Variants in NEBL observed in about 807,000 individuals in gnomAD.
The protein encoded by NEBL is LIM and SH3 protein 2.
NEBL carries 122 observed loss-of-function variants against 140.2 expected under a neutral mutation model. The ratio of observed to expected loss-of-function variants is 0.87; its 90% confidence interval spans 0.75 to 1.01. NEBL has a LOEUF of 1.01. NEBL is among the 50% of genes least tolerant of loss of function. The pLI is 0.00. For synonymous variants in NEBL, 436 were observed against 398.9 expected (o/e 1.09, Z -1.11); for missense variants, 1,365 against 1,231.3 (o/e 1.11, Z -1.62).
At chr10:21,029,758 T>C in intron 2 of NEBL, 1 of 788,646 alleles carries the variant, frequency 1.3e-6, no homozygotes, top group South Asian at 1.4e-5. Context: ...TCGATATGGC[T>C]GGCGGTAGGG....
chr10:21,088,085 T>C (rs1290657359), intron 2 of NEBL, among the ~76,000 whole-genome samples: 1 of 152,216 alleles, frequency 6.6e-6, no homozygotes, highest in East Asian at 1.9e-4. Flanking sequence ...CTACCATTCA[T>C]GCTACATGTC....
In NEBL at chr10:20,980,343, C is replaced by CA. The variant is rs199964725; in HGVS notation, c.250-18565dup. 2.6e-3 allele frequency among the ~76,000 whole-genome samples: 299 copies of CA among 113,896 alleles called. 2 individuals carry two copies. The highest frequency in any genetic ancestry group is 8.8e-3 in the African/African-American group (276 of 31,270). The allele number at this position is 113,896 out of a possible 152,430, so 74.7% of individuals were successfully genotyped here. On this transcript the variant is annotated intron_variant, in intron 3 of 6. Coordinates refer to the NEBL transcript ENST00000417816. ...TTTTTTTGTTCCAGAACAAAAAGAA[C>CA]AAAAAAAAAAGTTTCTTTTTGTTCA...
chr10:20,850,776 T>C (rs1000291261), intron 10 of NEBL, among the ~76,000 whole-genome samples: 1 of 152,208 alleles, frequency 6.6e-6, no homozygotes, highest in African/African-American at 2.4e-5. Context: ...GGCTGGAATA[T>C]ATAGATATGT....
At chr10:21,260,995 A>C (rs552767878) in intron 1 of NEBL, among the ~76,000 whole-genome samples, 3 of 152,304 alleles carry the variant, frequency 2.0e-5, no homozygotes, top group Admixed American at 2.0e-4. Context: ...CATTTCAGTC[A>C]GTAAGAAGGG....
intron 3 of NEBL, among the ~76,000 whole-genome samples, chr10:21,007,111 G>GA (rs113491557): frequency 0.016 from 2,366 of 148,014 alleles, 56 homozygotes; most frequent in African/African-American, 0.052. Context: ...ATGAAATACA[G>GA]AAAAAAAAAA....
rs993291931 is a variant in NEBL, at chr10:21,193,470, G to A, written n.349-20993C>T. Among the ~76,000 whole-genome samples, 4 of 152,074 alleles carry A rather than the reference G, an allele frequency of 2.6e-5. No homozygotes were observed. In the South Asian group the frequency reaches 8.3e-4, roughly 32 times the overall value. On this transcript the variant is annotated intron_variant and non_coding_transcript_variant, in intron 3 of 8. Coordinates refer to the NEBL transcript ENST00000675702. The stretch of plus-strand genomic sequence containing the variant: ...ATCTATCCCTTCATCACCCACGCTT[G>A]GATGATACAATCCAAGTTTTAAGGG...
intron 1 of NEBL, among the ~76,000 whole-genome samples, chr10:21,257,079 A>G (rs1261794271): frequency 6.6e-6 from 1 of 152,210 alleles, no homozygotes; most frequent in Non-Finnish European, 1.5e-5. Flanking sequence ...CAGAGTGCCA[A>G]TTGCTAAACA....
chr10:20,960,030 A>T (rs45549131), intron 4 of NEBL, among the ~76,000 whole-genome samples: 2 of 152,002 alleles, frequency 1.3e-5, no homozygotes, highest in African/African-American at 4.8e-5. Flanking sequence ...TAAAATGATC[A>T]GTATTTTTTA....
At chr10:20,881,908 T>C (rs1433350305) in intron 4 of NEBL, among the ~76,000 whole-genome samples, 4 of 152,120 alleles carry the variant, frequency 2.6e-5, no homozygotes, top group African/African-American at 9.7e-5. Flanking sequence ...ATGAGAAAAA[T>C]GGCAACTTAA....
At chr10:21,212,932 C>T (rs979721125) in intron 3 of NEBL, among the ~76,000 whole-genome samples, 1 of 152,070 alleles carries the variant, frequency 6.6e-6, no homozygotes, top group African/African-American at 2.4e-5. Context: ...GGAGAAAATA[C>T]AGCTCATTAA....
At chr10:21,035,859 G>C (rs1314488240) in intron 2 of NEBL, among the ~76,000 whole-genome samples, 1 of 152,060 alleles carries the variant, frequency 6.6e-6, no homozygotes, top group Non-Finnish European at 1.5e-5. Context: ...GGAAGAAAGA[G>C]AGTTGTTTAA....
At chr10:20,880,299 G>T (rs754520078) in intron 5 of NEBL, among the ~76,000 whole-genome samples, 9 of 152,218 alleles carry the variant, frequency 5.9e-5, no homozygotes, top group Admixed American at 2.0e-4. Flanking sequence ...GGCAGAGGTT[G>T]CAGTGAGCCA....
intron 2 of NEBL, among the ~76,000 whole-genome samples, chr10:21,076,515 A>G (rs1445132527): frequency 6.6e-6 from 1 of 151,760 alleles, no homozygotes; most frequent in African/African-American, 2.4e-5. Context: ...GTGGGCATAT[A>G]ACCAAAAAAA....
intron 26 of NEBL, among the ~76,000 whole-genome samples, chr10:20,795,998 T>C (rs1836477212): frequency 6.6e-6 from 1 of 152,208 alleles, no homozygotes; most frequent in Non-Finnish European, 1.5e-5. Flanking sequence ...ACATACTTTG[T>C]ACTTTTTAAA....
intron 5 of NEBL, among the ~76,000 whole-genome samples, chr10:20,878,252 T>A (rs939931384): frequency 1.3e-5 from 2 of 152,184 alleles, no homozygotes; most frequent in South Asian, 2.1e-4. Context: ...CTTGGTTCAC[T>A]AAAAGATATT....
rs542211583 is a variant in NEBL at position 21,208,684 on chromosome 10, C to T, written n.349-36207G>A. ...CCAATGTCTCCACTATTCCCTATGG[C>T]CCCTGTTCTTGCTGCAGGTGGGGAG... On this transcript the variant is annotated intron_variant and non_coding_transcript_variant, in intron 3 of 8. Transcript: ENST00000675702. Among the ~76,000 whole-genome samples the T allele has an allele frequency of 3.3e-5, 5 of 152,254 alleles. No individual in the cohort carries two copies. The South Asian group carries it at 1.0e-3, about 32-fold the overall frequency.
chr10:20,868,670 A>G lies in NEBL; in HGVS notation c.678T>C (p.Ser226=). ...FEHAVEASKL[S]SQIKYKEKFD... Reference sequence around the variant, plus strand: ...ATCATCACTAAAGCCTTACTTGACTAGAAAGTTTAGAAGCTTCCACGGCAT... The same window carrying G: ...ATCATCACTAAAGCCTTACTTGACTGGAAAGTTTAGAAGCTTCCACGGCAT... The change falls in exon 7 of 28, where the codon TCT becomes TCC. Residue 226 remains serine (S), a synonymous_variant. Coordinates refer to ENST00000377122, the MANE Select transcript of NEBL (RefSeq NM_006393.3). 6.2e-7 allele frequency: 1 copy of G among 1,601,898 alleles called. No individual in the cohort carries two copies. Among genetic ancestry groups the G allele is most frequent in the Non-Finnish European group, 8.6e-7 (1 of 1,169,026 alleles).
In NEBL at chr10:21,110,939, T is replaced by C. The variant is rs193069602; in HGVS notation, c.164+61444A>G. ...TGTGCAAAAATCACAAGCATTCCTA[T>C]GCAGCAATAACAGACAAATAGGGAG... On this transcript the variant is annotated intron_variant, in intron 2 of 6. Coordinates refer to the NEBL transcript ENST00000417816. 1.0e-5 allele frequency: 5 copies of C among 501,830 alleles called. No individual in the cohort carries two copies. In the East Asian group the frequency reaches 1.5e-4, roughly 15 times the overall value. The allele number at this position is 501,830 out of a possible 1,614,324, so 31.1% of individuals were successfully genotyped here.
In NEBL at chr10:20,810,898, A is replaced by G. The variant is rs545796214; in HGVS notation, c.2519-1000T>C. Among the ~76,000 whole-genome samples, 4 of 152,358 alleles carry G rather than the reference A, an allele frequency of 2.6e-5. No individual in the cohort carries two copies. The East Asian group carries it at 7.7e-4, about 29-fold the overall frequency. Reference sequence around the variant, plus strand: ...AACACCTAATTAATTTAAGTTTCATACATATTATCCTCATTTTGTAGATGA... The same window carrying G: ...AACACCTAATTAATTTAAGTTTCATGCATATTATCCTCATTTTGTAGATGA... On this transcript the variant is annotated intron_variant, in intron 24 of 27. Transcript: ENST00000377122.
Sources: allele counts gnomAD v4.1 joint callset (sites outside exome capture counted in the v4.1 genomes callset), GRCh38; gene constraint gnomAD v4.1.1; transcripts MANE v1.5; gene names NCBI Gene and HGNC (gene_info 2026-07-23, HGNC 2026-07-21).